The following ZSCAN20 variants were observed in gnomAD, a reference collection of about 807,000 sequenced individuals.
The protein encoded by ZSCAN20 is zinc finger and SCAN domain containing 20, also known as zinc finger and SCAN domain-containing protein 20.
ZSCAN20 carries 39 observed loss-of-function variants against 97.1 expected under a neutral mutation model. The ratio of observed to expected loss-of-function variants is 0.40; its 90% CI spans 0.31 to 0.52. The LOEUF (loss-of-function observed/expected upper bound fraction) is 0.52. Ranked by LOEUF, ZSCAN20 falls within the 20% of genes least tolerant of loss-of-function variation. The probability of loss-of-function intolerance (pLI) is 0.49; values close to 1 mark genes in which losing one functional copy is unlikely to be tolerated. For synonymous variants in ZSCAN20, 456 were observed against 467.3 expected (o/e 0.98, Z 0.31); for missense variants, 1,115 against 1,290.4 (o/e 0.86, Z 2.08).
In ZSCAN20 at chr1:33,493,599, TA is replaced by T. The variant is rs1652715877; in HGVS notation, c.1860del (p.Ala621ProfsTer8). ...DAVKPSTLCP[K>X]APDMGFEMRH... ...CTGTCAAACCTTCAACCTTGTGTCCTAAAGCCCCAGACATGGGTAAGCCTGG... is the reference window on the plus strand; with the variant it reads ...CTGTCAAACCTTCAACCTTGTGTCCTAAGCCCCAGACATGGGTAAGCCTGG... On this transcript the variant is annotated frameshift_variant, in exon 7 of 8. Coordinates refer to ENST00000684572, the MANE Select transcript of ZSCAN20 (RefSeq NM_001377376.1). LOFTEE classifies it high-confidence loss of function. The surrounding 1 kb of genome is among the most constrained non-coding windows in gnomAD (Gnocchi z 4.3). 8.8e-6 allele frequency: 14 copies of T among 1,582,920 alleles called. No homozygotes were observed. The highest frequency in any genetic ancestry group is 1.2e-5 in the Non-Finnish European group (14 of 1,161,598).
chr1:33,489,241 T>G, intron 4 of ZSCAN20, 50 bp downstream of exon 4: 2 of 1,569,690 alleles, frequency 1.3e-6, no homozygotes, highest in Non-Finnish European at 1.7e-6. Context: ...TCCTGTGCTC[T>G]TGCCCCCACA....
Position 33,480,885 on chromosome 1 carries a change from T to C in ZSCAN20, c.417+1180T>C, listed in dbSNP as rs145050441. Reference sequence around the variant, plus strand: ...GATCCTTTAGCTGGATCCAGAACCTTCCTCTAAACATGACTTTTTCTCTAC... The same window carrying C: ...GATCCTTTAGCTGGATCCAGAACCTCCCTCTAAACATGACTTTTTCTCTAC... On this transcript the variant is annotated intron_variant, in intron 2 of 7. Coordinates refer to ENST00000684572, the MANE Select transcript of ZSCAN20 (RefSeq NM_001377376.1). Among the ~76,000 whole-genome samples the C allele has an allele frequency of 3.0e-3, 450 of 152,344 alleles. 3 individuals are homozygous for C. Among genetic ancestry groups the C allele is most frequent in the African/African-American group, 0.01 (430 of 41,586 alleles).
In ZSCAN20 at chr1:33,495,174, T is replaced by G; in HGVS notation, c.2830T>G (p.Ser944Ala). 6.2e-7 allele frequency: 1 copy of G among 1,613,996 alleles called. No homozygotes were observed. The highest frequency in any genetic ancestry group is 8.5e-7 in the Non-Finnish European group (1 of 1,179,982). Residue 944 changes from serine to alanine, a missense_variant, in exon 8 of 8, where the codon TCC (serine) becomes GCC (alanine). Transcript: ENST00000684572. ...CTGTGGGAAGTGCTTCAGTGAGCGC[T>G]CCAAGCTCATCACACACCAGAGAGT... ...VDCGKCFSERSKLITHQRVHT... is the reference protein window; with the variant it reads ...VDCGKCFSERAKLITHQRVHT...
Position 33,491,935 on chromosome 1 carries a change from A to T in ZSCAN20, c.1444+233A>T, listed in dbSNP as rs772891227. Reference sequence around the variant, plus strand: ...ATTTTTAAAGCCTTAAGGGGCCTCAAAGAGTGAATCCAGTATTTCCAAAAG... The same window carrying T: ...ATTTTTAAAGCCTTAAGGGGCCTCATAGAGTGAATCCAGTATTTCCAAAAG... On this transcript the variant is annotated intron_variant, in intron 6 of 7. Coordinates refer to ENST00000684572, the MANE Select transcript of ZSCAN20 (RefSeq NM_001377376.1). This position sits in a 1 kb window ranked among gnomAD's most constrained non-coding sequence, Gnocchi z 4.3. The T allele has an allele frequency of 1.0e-5, 4 of 396,270 alleles. No homozygotes were observed. Among genetic ancestry groups the T allele is most frequent in the African/African-American group, 2.0e-5 (1 of 48,782 alleles). 24.5% of individuals were successfully genotyped at this position (396,270 alleles called of 1,614,324 possible).
At chr1:33,473,738 G>C (rs930007150) in intron 1 of ZSCAN20, among the ~76,000 whole-genome samples, 7 of 152,002 alleles carry the variant, frequency 4.6e-5, no homozygotes, top group African/African-American at 1.7e-4. Flanking sequence ...CCAACCCTCA[G>C]CTCCCATAAC....
chr1:33,482,319 A>G (rs759594296), intron 2 of ZSCAN20, among the ~76,000 whole-genome samples: 5 of 152,236 alleles, frequency 3.3e-5, no homozygotes, highest in Non-Finnish European at 5.9e-5. Context: ...TTGGAATCAT[A>G]CAGTATATAG....
Position 33,491,744 on chromosome 1 carries a change from T to C in ZSCAN20, c.1444+42T>C. 1.3e-6 allele frequency: 2 copies of C among 1,520,860 alleles called. No individual in the cohort carries two copies. The highest frequency in any genetic ancestry group is 1.8e-6 in the Non-Finnish European group (2 of 1,134,724). The allele number at this position is 1,520,860 out of a possible 1,614,324, so 94.2% of individuals were successfully genotyped here. On this transcript the variant is annotated intron_variant, in intron 6 of 7. Transcript: ENST00000684572. The surrounding 1 kb of genome is among the most constrained non-coding windows in gnomAD (Gnocchi z 4.3). ...TTAGTCAGATTCAGATTTCCAACCC[T>C]CCTACCAGCTAGACTGCTATTCCCT...
At position 33,493,460 on chromosome 1, in the gene ZSCAN20, C is replaced by T; in HGVS notation, c.1718C>T (p.Ala573Val). Residue 573 changes from alanine to valine, a missense_variant, in exon 7 of 8, where the codon GCT (alanine) becomes GTT (valine). By Grantham distance (64) the Ala-to-Val change is moderately conservative. Coordinates refer to ENST00000684572, the MANE Select transcript of ZSCAN20 (RefSeq NM_001377376.1). The surrounding 1 kb of genome is among the most constrained non-coding windows in gnomAD (Gnocchi z 4.3). ...EELDSLMRAR[A>V]AVRAMGTVRE... Reference sequence around the variant, plus strand: ...CTGGACTCGCTGATGAGGGCTCGGGCTGCAGTCAGGGCCATGGGGACTGTC... The same window carrying T: ...CTGGACTCGCTGATGAGGGCTCGGGTTGCAGTCAGGGCCATGGGGACTGTC... 1 of 1,614,198 alleles carries T rather than the reference C, an allele frequency of 6.2e-7. No individual in the cohort carries two copies. The highest frequency in any genetic ancestry group is 8.5e-7 in the Non-Finnish European group (1 of 1,180,038).
intron 2 of ZSCAN20, among the ~76,000 whole-genome samples, chr1:33,482,142 T>C (rs1652179602): frequency 6.6e-6 from 1 of 152,212 alleles, no homozygotes. Flanking sequence ...TCTACCATCA[T>C]AGTGACATAG....
chr1:33,498,804 G>A lies in ZSCAN20; in HGVS notation c.*3328G>A, dbSNP rs1054487672. On this transcript the variant is annotated 3_prime_UTR_variant, in exon 8 of 8. Transcript: ENST00000684572. ...TTTCTTCACCCTCCACCTCAAGAAG[G>A]GCATTGGCTCCTCTGAAGGGACAAA... 2.0e-5 allele frequency among the ~76,000 whole-genome samples: 3 copies of A among 152,154 alleles called. No homozygotes were observed. Among genetic ancestry groups the A allele is most frequent in the African/African-American group, 7.2e-5 (3 of 41,416 alleles).
At chr1:33,472,842 T>C (rs1651777806) in intron 1 of ZSCAN20, among the ~76,000 whole-genome samples, 151 bp downstream of exon 1, 2 of 149,662 alleles carry the variant, frequency 1.3e-5, no homozygotes, top group South Asian at 4.3e-4. Flanking sequence ...TCAAAGGATG[T>C]AGAGGCCGGA....
At position 33,495,290 on chromosome 1, in the gene ZSCAN20, G is replaced by A. The variant is rs751570008; in HGVS notation, c.2946G>A (p.Thr982=). Residue 982 remains threonine (T), a synonymous_variant, in exon 8 of 8, where the codon ACG becomes ACA. Transcript: ENST00000684572. ...TCATTACTCACCAGAGGATTCATAC[G>A]GGAGAGAAGCCGTATAAGTGCAGAG... ...SNLITHQRIH[T]GEKPYKCREC... The A allele has an allele frequency of 5.1e-5, 82 of 1,611,602 alleles. No homozygotes were observed. The highest frequency in any genetic ancestry group is 6.6e-5 in the South Asian group (6 of 90,822).
In ZSCAN20 at chr1:33,499,596, C is replaced by T. The variant is rs1371839311; in HGVS notation, c.*4120C>T. Reference sequence around the variant, plus strand: ...CCCATCCAAGCCTCCCCTGCACGTGCCTGGAGAGACCTGCCCATTGGACTC... The same window carrying T: ...CCCATCCAAGCCTCCCCTGCACGTGTCTGGAGAGACCTGCCCATTGGACTC... On this transcript the variant is annotated 3_prime_UTR_variant, in exon 8 of 8. Coordinates refer to ENST00000684572, the MANE Select transcript of ZSCAN20 (RefSeq NM_001377376.1). Among the ~76,000 whole-genome samples the T allele has an allele frequency of 6.6e-6, 1 of 152,112 alleles. No individual in the cohort carries two copies. Among genetic ancestry groups the T allele is most frequent in the Admixed American group, 6.5e-5 (1 of 15,268 alleles).
rs182745569 is a variant in ZSCAN20 at position 33,485,666 on chromosome 1, G to A, written c.418-2799G>A. Among the ~76,000 whole-genome samples the A allele has an allele frequency of 1.3e-3, 200 of 152,116 alleles. 1 individual carries two copies. Among genetic ancestry groups the A allele is most frequent in the African/African-American group, 4.3e-3 (178 of 41,504 alleles). On this transcript the variant is annotated intron_variant, in intron 2 of 7. Transcript: ENST00000684572. Reference sequence around the variant, plus strand: ...TGGCTTCAAATGATCCACCACCTTGGCCTTCCAGAGTGCTGGGGTTACATG... The same window carrying A: ...TGGCTTCAAATGATCCACCACCTTGACCTTCCAGAGTGCTGGGGTTACATG...
chr1:33,491,339 G>A lies in ZSCAN20; in HGVS notation c.1081G>A (p.Ala361Thr), dbSNP rs1296372694. 6.2e-7 allele frequency: 1 copy of A among 1,614,164 alleles called. No homozygotes were observed. Among genetic ancestry groups the A allele is most frequent in the East Asian group, 2.2e-5 (1 of 44,882 alleles). The change falls in exon 6 of 8, where the codon GCA becomes ACA. Residue 361 changes from alanine to threonine, a missense_variant. Coordinates refer to ENST00000684572, the MANE Select transcript of ZSCAN20 (RefSeq NM_001377376.1). The surrounding 1 kb of genome is among the most constrained non-coding windows in gnomAD (Gnocchi z 4.3). ...HQNRQVYRAI[A>T]EQLRARGFLR... ...GAACCGCCAGGTATATCGGGCCATT[G>A]CAGAGCAGCTAAGGGCAAGGGGCTT...
intron 2 of ZSCAN20, 115 bp downstream of exon 2, chr1:33,479,820 A>T: frequency 8.9e-7 from 1 of 1,125,932 alleles, no homozygotes; most frequent in Non-Finnish European, 1.2e-6. Flanking sequence ...TTGAGAACTG[A>T]CACTTATTGA....
intron 1 of ZSCAN20, among the ~76,000 whole-genome samples, chr1:33,475,681 A>G (rs1416755391): frequency 6.6e-6 from 1 of 151,522 alleles, no homozygotes; most frequent in East Asian, 1.9e-4. Context: ...TTTTTCTGAG[A>G]CAGAGTCGTG....
chr1:33,475,779 C>A (rs902005612), intron 1 of ZSCAN20, among the ~76,000 whole-genome samples: 7 of 151,966 alleles, frequency 4.6e-5, no homozygotes, highest in Non-Finnish European at 1.0e-4. Flanking sequence ...CCTGCCTCAG[C>A]CTCCCGAGTA....
Position 33,498,826 on chromosome 1 carries a change from C to A in ZSCAN20, c.*3350C>A, listed in dbSNP as rs1036195365. Among the ~76,000 whole-genome samples, 2 of 152,256 alleles carry A rather than the reference C, an allele frequency of 1.3e-5. No individual in the cohort carries two copies. The highest frequency in any genetic ancestry group is 1.3e-4 in the Admixed American group (2 of 15,302). ...AAGGGCATTGGCTCCTCTGAAGGGA[C>A]AAAAAGGTACCTAAAGGACCTTAGG... On this transcript the variant is annotated 3_prime_UTR_variant, in exon 8 of 8. Transcript: ENST00000684572.
Sources: gnomAD v4.1 joint callset for allele counts (sites outside exome capture counted in the v4.1 genomes callset) on GRCh38, gnomAD v4.1.1 for gene constraint, Gnocchi (gnomAD v3.1) non-coding constraint, MANE v1.5 for transcripts, NCBI Gene and HGNC (gene_info 2026-07-23, HGNC 2026-07-21) for gene names.